ZNF32: variants seen among roughly 807,000 people sequenced by gnomAD.
ZNF32 encodes zinc finger protein 32, also known as C2H2-546.
In ZNF32, 13 loss-of-function variants were observed where a neutral mutation model predicts 24.4. The observed-to-expected ratio is 0.53, with a 90% CI of 0.35 to 0.85. The LOEUF (loss-of-function observed/expected upper bound fraction) is 0.85, where lower values mean the gene tolerates loss of function less well. Among genes scored for constraint, ZNF32 ranks in the 40% least tolerant of loss-of-function variants. ZNF32 has a pLI of 0.01. For synonymous variants in ZNF32, 115 were observed against 117.4 expected, an observed-to-expected ratio of 0.98 and a Z score of 0.13; for missense variants, 239 against 325.3, an observed-to-expected ratio of 0.73 and a Z score of 2.04.
intron 2 of ZNF32, 83 bp downstream of exon 2, chr10:43,645,981 C>T: frequency 4.4e-6 from 7 of 1,578,880 alleles, no homozygotes; most frequent in Non-Finnish European, 6.0e-6. Flanking sequence ...CCTCTGCTTC[C>T]TCAGACTGCC....
Position 43,646,202 on chromosome 10 carries a change from C to G in ZNF32, c.-69G>C. ...TTCTTCCATGGGCTGTTCCTGAGCACCTGAGGGAGAAAAACAAACAGAAAC... is the reference window on the plus strand; with the variant it reads ...TTCTTCCATGGGCTGTTCCTGAGCAGCTGAGGGAGAAAAACAAACAGAAAC... On this transcript the variant is annotated splice_region_variant and 5_prime_UTR_variant, in exon 2 of 3. Coordinates refer to ENST00000374433, the MANE Select transcript of ZNF32 (RefSeq NM_006973.3). 3.2e-6 allele frequency: 5 copies of G among 1,558,388 alleles called. No individual in the cohort carries two copies. The South Asian group carries it at 4.6e-5, about 14-fold the overall frequency.
At chr10:43,645,007 T>C in intron 2 of ZNF32, 1 of 572,086 alleles carries the variant, frequency 1.7e-6, no homozygotes, top group South Asian at 2.5e-5. Context: ...CTAGGTAAGT[T>C]AGAGCTGACT....
chr10:43,647,028 A>G (rs904179167), intron 1 of ZNF32: 1 of 152,192 alleles, frequency 6.6e-6, no homozygotes, highest in Admixed American at 6.5e-5. Context: ...GCTCTTTCAG[A>G]TCCTAGGAAT....
chr10:43,648,720 A>T (rs1839411944), intron 1 of ZNF32, 82 bp downstream of exon 1: 2 of 152,062 alleles, frequency 1.3e-5, no homozygotes. Flanking sequence ...TAAGGCGGCC[A>T]CACGGAGGGC....
At chr10:43,645,109 T>C (rs1043482655) in intron 2 of ZNF32, 5 of 224,716 alleles carry the variant, frequency 2.2e-5, no homozygotes, top group Admixed American at 5.0e-5. Context: ...TTCTCTATTT[T>C]ACAGGTCAGA....
intron 1 of ZNF32, chr10:43,647,098 G>C (rs1224149375): frequency 6.6e-6 from 1 of 152,094 alleles, no homozygotes; most frequent in Non-Finnish European, 1.5e-5. Flanking sequence ...TCAAGATTTT[G>C]CTCTGTTGCC....
Position 43,646,089 on chromosome 10 carries a change from T to TA in ZNF32, c.44_45insT (p.Arg15SerfsTer14). 1.2e-6 allele frequency: 2 copies of TA among 1,614,186 alleles called. No individual in the cohort carries two copies. Among genetic ancestry groups the TA allele is most frequent in the Non-Finnish European group, 1.7e-6 (2 of 1,180,020 alleles). On this transcript the variant is annotated frameshift_variant, in exon 2 of 3. Coordinates refer to ENST00000374433, the MANE Select transcript of ZNF32 (RefSeq NM_006973.3). LOFTEE classifies it high-confidence loss of function. ...TGAAGAACGCTACATTCTGGGCATA[T>TA]CTTCCATGACAGTCCAGCAGGGTAG...
At position 43,644,036 on chromosome 10, in the gene ZNF32, C is replaced by T. The variant is rs1036006630; in HGVS notation, c.*14G>A. The T allele has an allele frequency of 6.9e-6, 11 of 1,597,078 alleles. No individual in the cohort carries two copies. Among genetic ancestry groups the T allele is most frequent in the Non-Finnish European group, 9.4e-6 (11 of 1,172,598 alleles). The stretch of plus-strand genomic sequence containing the variant: ...CTCTTAATTCATAAAGAGAACTTCT[C>T]TTCAGGAAAGTGGTCAAAGGGTGAG... On this transcript the variant is annotated 3_prime_UTR_variant, in exon 3 of 3. Transcript: ENST00000374433. This position sits in a 1 kb window ranked among gnomAD's most constrained non-coding sequence, Gnocchi z 5.3.
Position 43,644,929 on chromosome 10 carries a change from C to T in ZNF32, c.71-128G>A, listed in dbSNP as rs1839230915. 13 of 1,057,338 alleles carry T rather than the reference C, an allele frequency of 1.2e-5. No individual in the cohort carries two copies. The highest frequency in any genetic ancestry group is 1.5e-5 in the Non-Finnish European group (11 of 746,620). The allele number at this position is 1,057,338 out of a possible 1,614,324, so 65.5% of individuals were successfully genotyped here. On this transcript the variant is annotated intron_variant, in intron 2 of 2. Transcript: ENST00000374433. This position sits in a 1 kb window ranked among gnomAD's most constrained non-coding sequence, Gnocchi z 5.3. ...TTATTCTTTGCATAGACAATGCAAT[C>T]CTGAAAACAATGCCATGAGAGTGAT...
chr10:43,648,560 A>C (rs1001313897), intron 1 of ZNF32: 12 of 151,796 alleles, frequency 7.9e-5, no homozygotes, highest in Non-Finnish European at 1.5e-4. Context: ...GGCCCCGGGC[A>C]CCGGGCCCGC....
chr10:43,648,252 G>A (rs1235406683), intron 1 of ZNF32, among the ~76,000 whole-genome samples: 8 of 152,322 alleles, frequency 5.3e-5, no homozygotes, highest in African/African-American at 1.7e-4. Flanking sequence ...CTAAAATCCG[G>A]CGTCCTCTGG....
At chr10:43,645,906 C>G in intron 2 of ZNF32, 158 bp downstream of exon 2, 1 of 1,404,736 alleles carries the variant, frequency 7.1e-7, no homozygotes, top group East Asian at 2.6e-5. Flanking sequence ...ACTATTACTT[C>G]TAACTCCAGC....
At chr10:43,645,258 A>C (rs1480255628) in intron 2 of ZNF32, among the ~76,000 whole-genome samples, 1 of 152,216 alleles carries the variant, frequency 6.6e-6, no homozygotes, top group Non-Finnish European at 1.5e-5. Flanking sequence ...CCCTTTTAAG[A>C]AAATGTATAA....
intron 1 of ZNF32, among the ~76,000 whole-genome samples, chr10:43,646,483 G>A (rs1839294927): frequency 6.6e-6 from 1 of 152,150 alleles, no homozygotes; most frequent in Non-Finnish European, 1.5e-5. Flanking sequence ...TTTACACTTT[G>A]GTCTTGGCAT....
In ZNF32 at chr10:43,644,656, C is replaced by T; in HGVS notation, c.216G>A (p.Val72=). 1 of 1,614,196 alleles carries T rather than the reference C, an allele frequency of 6.2e-7. No individual in the cohort carries two copies. The highest frequency in any genetic ancestry group is 8.5e-7 in the Non-Finnish European group (1 of 1,180,032). ...SKTLQEDSPG[V]RQRVYECQEC... The stretch of plus-strand genomic sequence containing the variant: ...CCTGGCACTCATAGACCCTTTGTCT[C>T]ACTCCAGGTGAATCTTCCTGTAGTG... Residue 72 remains valine (V), a synonymous_variant, in exon 3 of 3, where the codon GTG becomes GTA. Coordinates refer to ENST00000374433, the MANE Select transcript of ZNF32 (RefSeq NM_006973.3). The surrounding 1 kb of genome is among the most constrained non-coding windows in gnomAD (Gnocchi z 5.3).
rs748776459 is a variant in ZNF32, at chr10:43,646,137, C to T, written c.-4G>A. 1.6e-5 allele frequency: 26 copies of T among 1,613,992 alleles called. No homozygotes were observed. The South Asian group carries it at 2.3e-4, about 14-fold the overall frequency. On this transcript the variant is annotated 5_prime_UTR_variant, in exon 2 of 3. Coordinates refer to ENST00000374433, the MANE Select transcript of ZNF32 (RefSeq NM_006973.3). Reference sequence around the variant, plus strand: ...TAGCTGTTGGAAATCCAAACATGTCCACTCCTGCTTACGACCTCAGTCACC... The same window carrying T: ...TAGCTGTTGGAAATCCAAACATGTCTACTCCTGCTTACGACCTCAGTCACC...
Position 43,644,446 on chromosome 10 carries a change from G to A in ZNF32, c.426C>T (p.Phe142=). The A allele has an allele frequency of 2.5e-6, 4 of 1,614,218 alleles. 1 individual carries two copies. In the South Asian group the frequency reaches 4.4e-5, roughly 18 times the overall value. The part of the protein sequence containing the change: ...PYQCKECGKS[F]SQRGSLAVHE... ...GGACAGCGAGACTACCTCGTTGACT[G>A]AAGCTTTTCCCACACTCCTTGCACT... Residue 142 remains phenylalanine, a synonymous_variant, in exon 3 of 3, where the codon TTC becomes TTT. Transcript: ENST00000374433. This position sits in a 1 kb window ranked among gnomAD's most constrained non-coding sequence, Gnocchi z 5.3.
rs1440993887 is a variant in ZNF32, at chr10:43,648,804, CA to C, written c.-73del. 2 of 152,080 alleles carry C rather than the reference CA, an allele frequency of 1.3e-5. No individual in the cohort carries two copies. The highest frequency in any genetic ancestry group is 1.3e-4 in the Admixed American group (2 of 15,272). 9.4% of individuals were successfully genotyped at this position (152,080 alleles called of 1,614,324 possible). On this transcript the variant is annotated 5_prime_UTR_variant, in exon 1 of 3. Transcript: ENST00000374433. ...ACCCGGCCAGCGGCCTCACTCACCG[CA>C]GCGGCGCGTGCCCGCAGACAAAGGC...
chr10:43,644,614 G>T lies in ZNF32; in HGVS notation c.258C>A (p.Phe86Leu). 1.2e-6 allele frequency: 2 copies of T among 1,613,646 alleles called. No homozygotes were observed. Among genetic ancestry groups the T allele is most frequent in the Non-Finnish European group, 1.7e-6 (2 of 1,179,872 alleles). ...VYECQECGKS[F>L]RQKGSLTLHE... is the part of the protein sequence containing the mutation. ...GTAACGTTAGACTACCTTTTTGCCG[G>T]AAGGATTTTCCACACTCCTGGCACT... Residue 86 changes from phenylalanine (F) to leucine (L), a missense_variant, in exon 3 of 3, where the codon TTC (phenylalanine) becomes TTA (leucine). Physicochemically the swap from Phe to Leu is conservative, Grantham distance 22. Coordinates refer to ENST00000374433, the MANE Select transcript of ZNF32 (RefSeq NM_006973.3). This position sits in a 1 kb window ranked among gnomAD's most constrained non-coding sequence, Gnocchi z 5.3.
Sources: allele counts gnomAD v4.1 joint callset (sites outside exome capture counted in the v4.1 genomes callset), GRCh38; gene constraint gnomAD v4.1.1; non-coding constraint Gnocchi (gnomAD v3.1); transcripts MANE v1.5; gene names NCBI Gene and HGNC (gene_info 2026-07-23, HGNC 2026-07-21).